Variants in EHMT1 observed in about 807,000 individuals in gnomAD.
EHMT1 encodes the protein euchromatic histone lysine methyltransferase 1, also known as histone-lysine N-methyltransferase EHMT1.
EHMT1 carries 15 observed loss-of-function variants against 147.2 expected under a neutral mutation model. The ratio of observed to expected loss-of-function variants is 0.10; its 90% CI spans 0.07 to 0.16. The LOEUF is 0.16. Among genes scored for constraint, EHMT1 ranks in the 10% least tolerant of loss-of-function variants. The pLI is 1.00. For missense variants in EHMT1, 1,587 were observed against 1,772.4 expected (o/e 0.90, Z 1.88); for synonymous variants, 795 against 709.6 (o/e 1.12, Z -1.91).
rs138824805 is a variant in EHMT1 at position 137,716,849 on chromosome 9, G to C, written c.309G>C (p.Ala103=). 1 of 1,613,272 alleles carries C rather than the reference G, an allele frequency of 6.2e-7. No individual in the cohort carries two copies. The highest frequency in any genetic ancestry group is 8.5e-7 in the Non-Finnish European group (1 of 1,179,892). The change falls in exon 3 of 27, where the codon GCG becomes GCC. Residue 103 remains alanine (A), a synonymous_variant. Coordinates refer to ENST00000460843, the MANE Select transcript of EHMT1 (RefSeq NM_024757.5). ...GGGTTTCAGAAAGAGACTCAGAAGC[G>C]GCGAAGCAAAACCACGTCACTGCCG... is the stretch of plus-strand genomic sequence containing the variant. ...ENGVSERDSE[A]AKQNHVTADD...
At chr9:137,743,773 CTCTTCGTG>C in intron 5 of EHMT1, 121 bp from the exon 6 acceptor site, 2 of 1,245,482 alleles carry the variant, frequency 1.6e-6, no homozygotes, top group Non-Finnish European at 2.2e-6. Context: ...GCAGGGGCAC[CTCTTCGTG>C]TGTCCCCGCC....
intron 1 of EHMT1, among the ~76,000 whole-genome samples, chr9:137,644,107 G>A (rs1844708544): frequency 6.6e-6 from 1 of 152,186 alleles, no homozygotes; most frequent in African/African-American, 2.4e-5. Context: ...ACGGTGACCA[G>A]GTGGCACTCG....
At chr9:137,824,061 C>G (rs1008338831) in intron 25 of EHMT1, among the ~76,000 whole-genome samples, 16 of 151,760 alleles carry the variant, frequency 1.1e-4, no homozygotes, top group Non-Finnish European at 2.9e-5. Context: ...AATTCCATGT[C>G]TATCCCAGGA....
intron 1 of EHMT1, among the ~76,000 whole-genome samples, chr9:137,685,586 G>A (rs941872859): frequency 1.3e-5 from 2 of 152,216 alleles, no homozygotes; most frequent in Non-Finnish European, 2.9e-5. Flanking sequence ...ATACCTAGGA[G>A]TGGAATTGCT....
chr9:137,722,833 C>A (rs1029380894), intron 3 of EHMT1, among the ~76,000 whole-genome samples: 1 of 152,194 alleles, frequency 6.6e-6, no homozygotes. Flanking sequence ...GGTGGGTGCC[C>A]CCCTGTGCCC....
chr9:137,716,393 G>A (rs1440664088), intron 2 of EHMT1, among the ~76,000 whole-genome samples: 3 of 54,710 alleles, frequency 5.5e-5, no homozygotes, highest in African/African-American at 2.4e-4. Flanking sequence ...AGTTGTGTTG[G>A]TGTCATGGTG....
intron 15 of EHMT1, chr9:137,785,281 G>C (rs749392924): frequency 6.5e-6 from 1 of 153,494 alleles, no homozygotes; most frequent in Non-Finnish European, 1.5e-5. Context: ...AGAGCCACGT[G>C]GGGGAATGGA....
chr9:137,632,441 G>C (rs78719025), intron 1 of EHMT1, among the ~76,000 whole-genome samples: 6,846 of 152,018 alleles, frequency 0.045, 497 homozygotes, highest in African/African-American at 0.16. Flanking sequence ...TCTTTTTTTT[G>C]TTTTTGTTTT....
chr9:137,718,849 A>G (rs1945634479), intron 3 of EHMT1, among the ~76,000 whole-genome samples: 1 of 147,882 alleles, frequency 6.8e-6, no homozygotes, highest in Non-Finnish European at 1.5e-5. Flanking sequence ...CCCGCCTCCC[A>G]GGTTTAAGTG....
intron 1 of EHMT1, among the ~76,000 whole-genome samples, chr9:137,685,835 A>G (rs1728341032): frequency 6.6e-6 from 1 of 152,258 alleles, no homozygotes; most frequent in African/African-American, 2.4e-5. Flanking sequence ...GATGTTGGCC[A>G]TCTTTTCATG....
chr9:137,752,514 A>G, intron 7 of EHMT1, 106 bp downstream of exon 7: 2 of 1,345,042 alleles, frequency 1.5e-6, no homozygotes, highest in Non-Finnish European at 2.1e-6. Flanking sequence ...CTGAGCGCTC[A>G]CCCATGTGCT....
chr9:137,711,356 C>T (rs1188969459), intron 2 of EHMT1, among the ~76,000 whole-genome samples: 1 of 152,206 alleles, frequency 6.6e-6, no homozygotes, highest in East Asian at 1.9e-4. Context: ...ACCGGAGACA[C>T]TCCGGTGTCC....
rs1165727667 is a variant in EHMT1 at position 137,775,776 on chromosome 9, C to T, written c.1791+524C>T. On this transcript the variant is annotated intron_variant, in intron 11 of 26. Transcript: ENST00000460843. This position sits in a 1 kb window ranked among gnomAD's most constrained non-coding sequence, Gnocchi z 6.1. ...TGTTTCTGCTGGGATCTTGGGTCAT[C>T]AGTTACTTCAATGTCAAACATCTGT... 6.6e-6 allele frequency among the ~76,000 whole-genome samples: 1 copy of T among 151,956 alleles called. No individual in the cohort carries two copies.
intron 3 of EHMT1, among the ~76,000 whole-genome samples, chr9:137,723,797 C>T (rs1422730601): frequency 2.6e-5 from 4 of 152,192 alleles, no homozygotes; most frequent in African/African-American, 4.8e-5. Flanking sequence ...TTTAATAAAT[C>T]CAATATTCTC....
rs1952061865 is a variant in EHMT1, at chr9:137,787,351, G to C, written c.2383-3497G>C. On this transcript the variant is annotated intron_variant, in intron 15 of 26. Transcript: ENST00000460843. This position sits in a 1 kb window ranked among gnomAD's most constrained non-coding sequence, Gnocchi z 4.2. ...TCCCAGGCTGCATCTGCCATTCGGT[G>C]ACGGCTGGTGACGGATGGATGGGTA... 6.2e-6 allele frequency: 1 copy of C among 160,248 alleles called. No homozygotes were observed. 9.9% of individuals were successfully genotyped at this position (160,248 alleles called of 1,614,324 possible). A position where few individuals can be genotyped will look rare whatever the true frequency, so the allele number is the denominator to read the frequency against.
At chr9:137,720,866 A>C (rs975495998) in intron 3 of EHMT1, among the ~76,000 whole-genome samples, 3 of 152,044 alleles carry the variant, frequency 2.0e-5, no homozygotes, top group Admixed American at 1.3e-4. Context: ...CTGTGGGTCA[A>C]ACACACAGGA....
At chr9:137,814,697 G>A in intron 22 of EHMT1, 189 bp downstream of exon 22, 1 of 677,186 alleles carries the variant, frequency 1.5e-6, no homozygotes, top group Non-Finnish European at 2.6e-6. Flanking sequence ...CGTGAGCCGA[G>A]GACATGGCTG....
chr9:137,637,788 C>T (rs1213809945), intron 1 of EHMT1, among the ~76,000 whole-genome samples: 1 of 152,160 alleles, frequency 6.6e-6, no homozygotes, highest in African/African-American at 2.4e-5. Flanking sequence ...AATTCACCTG[C>T]GAAGCCATCT....
chr9:137,758,393 CT>C (rs1392868164), intron 9 of EHMT1, among the ~76,000 whole-genome samples: 3 of 152,188 alleles, frequency 2.0e-5, no homozygotes, highest in African/African-American at 7.2e-5. Flanking sequence ...AAATATGTCC[CT>C]GGTCAGTGTT....
Sources: allele counts gnomAD v4.1 joint callset (sites outside exome capture counted in the v4.1 genomes callset), GRCh38; gene constraint gnomAD v4.1.1; non-coding constraint Gnocchi (gnomAD v3.1); transcripts MANE v1.5; gene names NCBI Gene and HGNC (gene_info 2026-07-23, HGNC 2026-07-21).